Variants in PIWIL2 observed in about 807,000 individuals in gnomAD.
The protein encoded by PIWIL2 is piwi like RNA-mediated gene silencing 2, also known as piwi-like protein 2.
In PIWIL2, 81 loss-of-function variants were observed where a neutral mutation model predicts 116.5. The observed-to-expected ratio is 0.70, with a 90% CI of 0.58 to 0.84. The LOEUF (loss-of-function observed/expected upper bound fraction) is 0.84, where lower values mean the gene tolerates loss of function less well. Ranked by LOEUF, PIWIL2 falls within the 40% of genes least tolerant of loss-of-function variation. PIWIL2 has a pLI of 0.00. For missense variants in PIWIL2, 1,272 were observed against 1,212.3 expected (o/e 1.05, Z -0.73); for synonymous variants, 489 against 429.5 (o/e 1.14, Z -1.71).
At chr8:22,295,557 C>G (rs1363489532) in intron 10 of PIWIL2, among the ~76,000 whole-genome samples, 1 of 151,900 alleles carries the variant, frequency 6.6e-6, no homozygotes, top group Non-Finnish European at 1.5e-5. Flanking sequence ...AGGCATTACC[C>G]CGTTATGTCA....
Position 22,283,037 on chromosome 8 carries a change from G to T in PIWIL2, c.429G>T (p.Thr143=), listed in dbSNP as rs755955839. ...TGCCTCTCTCTCCACATTTCAGGAC[G>T]CTTGGAAGAGGGAGTTCAGATGCGT... is the stretch of plus-strand genomic sequence containing the variant. The part of the protein sequence containing the change: ...MAETSVGWSR[T]LGRGSSDASL... Residue 143 remains threonine (T), a synonymous_variant, in exon 5 of 23, where the codon ACG becomes ACT. Transcript: ENST00000356766. The T allele has an allele frequency of 1.2e-6, 2 of 1,613,504 alleles. No individual in the cohort carries two copies. The highest frequency in any genetic ancestry group is 1.7e-6 in the Non-Finnish European group (2 of 1,179,426).
At chr8:22,298,915 T>C (rs561082853) in intron 10 of PIWIL2, among the ~76,000 whole-genome samples, 1 of 152,320 alleles carries the variant, frequency 6.6e-6, no homozygotes, top group South Asian at 2.1e-4. Flanking sequence ...GGCTGGCTTA[T>C]AGAAACAAGG....
At chr8:22,334,987 G>GGAGGTT (rs1440570107) in intron 20 of PIWIL2, among the ~76,000 whole-genome samples, 2 of 151,686 alleles carry the variant, frequency 1.3e-5, no homozygotes, top group Non-Finnish European at 2.9e-5. Context: ...CCCAGGAGAT[G>GGAGGTT]GAGGTTGCAG....
chr8:22,333,339 C>CA (rs1361992233), intron 20 of PIWIL2, among the ~76,000 whole-genome samples: 2 of 152,100 alleles, frequency 1.3e-5, no homozygotes, highest in African/African-American at 4.8e-5. Flanking sequence ...GGGCTGGGCG[C>CA]AGTGGCTCAC....
intron 10 of PIWIL2, among the ~76,000 whole-genome samples, chr8:22,291,691 G>A (rs1332551873): frequency 6.6e-6 from 1 of 151,838 alleles, no homozygotes; most frequent in Non-Finnish European, 1.5e-5. Flanking sequence ...GGGTGTTATC[G>A]GGCTTGTAAA....
chr8:22,334,538 G>T (rs1019149631), intron 20 of PIWIL2, among the ~76,000 whole-genome samples: 3 of 148,590 alleles, frequency 2.0e-5, no homozygotes, highest in Non-Finnish European at 3.0e-5. Context: ...AAAAAGAAAA[G>T]AAAATACAAA....
At chr8:22,315,379 C>T (rs749592080) in intron 18 of PIWIL2, among the ~76,000 whole-genome samples, 2 of 152,156 alleles carry the variant, frequency 1.3e-5, no homozygotes, top group South Asian at 2.1e-4. Flanking sequence ...TGCGATGGCA[C>T]GATCTTGGCT....
intron 13 of PIWIL2, among the ~76,000 whole-genome samples, chr8:22,307,065 A>G (rs997704984): frequency 1.3e-5 from 2 of 152,280 alleles, no homozygotes; most frequent in African/African-American, 4.8e-5. Flanking sequence ...TTATGGTAAC[A>G]TCAAATGACT....
chr8:22,332,608 G>A (rs1360807621), intron 20 of PIWIL2, among the ~76,000 whole-genome samples: 1 of 152,026 alleles, frequency 6.6e-6, no homozygotes, highest in Non-Finnish European at 1.5e-5. Flanking sequence ...TTAAAAAGAG[G>A]TTCCTTCAAA....
chr8:22,316,797 G>A (rs1158718746), intron 19 of PIWIL2, among the ~76,000 whole-genome samples: 3 of 151,342 alleles, frequency 2.0e-5, no homozygotes, highest in Non-Finnish European at 4.4e-5. Context: ...ATTTGTTTAT[G>A]CAACTTTTTT....
chr8:22,316,122 A>G, intron 18 of PIWIL2, 123 bp from the exon 19 acceptor site: 3 of 611,950 alleles, frequency 4.9e-6, no homozygotes, highest in Non-Finnish European at 8.8e-6. Context: ...TTTCTTTCCC[A>G]GAACTTACTT....
intron 22 of PIWIL2, among the ~76,000 whole-genome samples, chr8:22,354,590 G>C (rs1229404514): frequency 6.6e-6 from 1 of 152,072 alleles, no homozygotes; most frequent in African/African-American, 2.4e-5. Flanking sequence ...ATTGATGCCA[G>C]GCTTCCCCCC....
At chr8:22,315,368 G>A (rs1831433275) in intron 18 of PIWIL2, among the ~76,000 whole-genome samples, 2 of 152,200 alleles carry the variant, frequency 1.3e-5, no homozygotes, top group South Asian at 4.1e-4. Context: ...CCAGGTTGGA[G>A]TGCGATGGCA....
intron 1 of PIWIL2, 140 bp from the exon 2 acceptor site, chr8:22,279,201 G>A: frequency 1.7e-6 from 1 of 589,072 alleles, no homozygotes; most frequent in Non-Finnish European, 3.0e-6. Flanking sequence ...AGATCAAATA[G>A]AAGCCTTTGA....
intron 20 of PIWIL2, among the ~76,000 whole-genome samples, chr8:22,327,963 A>G (rs1251833622): frequency 6.6e-6 from 1 of 152,144 alleles, no homozygotes; most frequent in South Asian, 2.1e-4. Context: ...ATAACATGCA[A>G]TTTATCTATT....
chr8:22,347,164 T>C (rs1275405199), intron 20 of PIWIL2, among the ~76,000 whole-genome samples: 6 of 145,230 alleles, frequency 4.1e-5, no homozygotes, highest in Admixed American at 1.4e-4. Flanking sequence ...AGCAAGACGT[T>C]GTCTCAAAAA....
chr8:22,333,006 A>G (rs963962751), intron 20 of PIWIL2, among the ~76,000 whole-genome samples: 8 of 152,150 alleles, frequency 5.3e-5, no homozygotes, highest in Non-Finnish European at 1.2e-4. Flanking sequence ...ATAATTTGAA[A>G]TTTATGACAA....
rs1276617427 is a variant in PIWIL2 at position 22,316,441 on chromosome 8, T to G, written c.2297+108T>G. 3 of 740,468 alleles carry G rather than the reference T, an allele frequency of 4.1e-6. No individual in the cohort carries two copies. The African/African-American group carries it at 5.3e-5, about 13-fold the overall frequency. The allele number at this position is 740,468 out of a possible 1,614,324, so 45.9% of individuals were successfully genotyped here. ...GCATTATGTATTACAATATAAAGAT[T>G]TCTAAACATTTTCTTCCTCTATCTT... On this transcript the variant is annotated intron_variant, in intron 19 of 22. Coordinates refer to ENST00000356766, the MANE Select transcript of PIWIL2 (RefSeq NM_018068.5).
intron 20 of PIWIL2, among the ~76,000 whole-genome samples, chr8:22,339,764 G>T (rs1175203031): frequency 6.6e-6 from 1 of 152,184 alleles, no homozygotes; most frequent in East Asian, 1.9e-4. Context: ...ATGCAAAGAA[G>T]TCTTACAACT....
Sources: allele counts gnomAD v4.1 joint callset (sites outside exome capture counted in the v4.1 genomes callset), GRCh38; gene constraint gnomAD v4.1.1; transcripts MANE v1.5; gene names NCBI Gene and HGNC (gene_info 2026-07-23, HGNC 2026-07-21).